The following LRP1B variants were observed in gnomAD, a reference collection of about 807,000 sequenced individuals.
LRP1B encodes the protein LDL receptor related protein 1B.
Under a neutral mutation model 556.6 loss-of-function variants are expected in LRP1B, and 217 were observed. That is an observed-to-expected ratio of 0.39 (90% CI 0.35 to 0.44). The LOEUF (loss-of-function observed/expected upper bound fraction) is 0.44, where lower values mean the gene tolerates loss of function less well. LRP1B is among the 20% of genes least tolerant of loss of function. The pLI is 1.00. For missense variants in LRP1B, 5,053 were observed against 5,620.8 expected, an observed-to-expected ratio of 0.90 and a Z score of 3.23; for synonymous variants, 2,047 against 1,865.8, an observed-to-expected ratio of 1.10 and a Z score of -2.50.
chr2:141,290,408 T>A (rs1030455822), intron 3 of LRP1B, among the ~76,000 whole-genome samples: 1 of 152,118 alleles, frequency 6.6e-6, no homozygotes, highest in African/African-American at 2.4e-5. Flanking sequence ...TAATATTGGG[T>A]TGTTTATATG....
At chr2:140,870,007 A>G (rs1010148138) in intron 25 of LRP1B, among the ~76,000 whole-genome samples, 4 of 152,246 alleles carry the variant, frequency 2.6e-5, no homozygotes, top group Admixed American at 2.6e-4. Context: ...TCTTTGCCCC[A>G]AACACAAGGG....
At chr2:140,301,077 G>C (rs181940807) in intron 83 of LRP1B, among the ~76,000 whole-genome samples, 299 of 152,186 alleles carry the variant, frequency 2.0e-3, no homozygotes, top group African/African-American at 7.1e-3. Context: ...TTATGGTAGT[G>C]ATGGGCTAGA....
intron 23 of LRP1B, chr2:140,898,834 T>G: frequency 2.1e-6 from 1 of 487,246 alleles, no homozygotes. Flanking sequence ...GGTGGATCTT[T>G]CCAAGAACCA....
chr2:140,717,573 C>T (rs1053510795), intron 35 of LRP1B, among the ~76,000 whole-genome samples: 6 of 151,948 alleles, frequency 3.9e-5, no homozygotes, highest in African/African-American at 1.5e-4. Context: ...CATGCATATG[C>T]ATAAAGGGTA....
chr2:140,514,454 C>T (rs1012343819), intron 51 of LRP1B, among the ~76,000 whole-genome samples, 199 bp downstream of exon 51: 24 of 151,432 alleles, frequency 1.6e-4, no homozygotes, highest in Admixed American at 5.9e-4. Flanking sequence ...GGAAAAATAC[C>T]AAATATTGAA....
At chr2:140,731,440 G>A (rs929795725) in intron 35 of LRP1B, among the ~76,000 whole-genome samples, 11 of 152,104 alleles carry the variant, frequency 7.2e-5, no homozygotes, top group Non-Finnish European at 8.8e-5. Context: ...AAGAGTAAAA[G>A]AAGAGTAAGA....
intron 3 of LRP1B, among the ~76,000 whole-genome samples, chr2:141,270,742 C>T (rs1346160771): frequency 2.6e-5 from 4 of 151,846 alleles, no homozygotes; most frequent in Non-Finnish European, 4.4e-5. Context: ...TAGTAAAATT[C>T]ATAGAGACAA....
At chr2:142,084,112 T>C (rs1304197044) in intron 1 of LRP1B, among the ~76,000 whole-genome samples, 2 of 152,120 alleles carry the variant, frequency 1.3e-5, no homozygotes, top group Non-Finnish European at 2.9e-5. Context: ...CCCAAGTAAC[T>C]GGGACTACAG....
chr2:141,463,054 G>T (rs1681946920), intron 3 of LRP1B, among the ~76,000 whole-genome samples: 1 of 152,166 alleles, frequency 6.6e-6, no homozygotes, highest in Non-Finnish European at 1.5e-5. Context: ...ACCTCACAAA[G>T]ACAGTTGGAT....
intron 43 of LRP1B, among the ~76,000 whole-genome samples, chr2:140,549,827 C>T (rs1437999166): frequency 6.6e-6 from 1 of 152,000 alleles, no homozygotes; most frequent in Non-Finnish European, 1.5e-5. Flanking sequence ...TACAGCGGGG[C>T]CTAGCATCGG....
At position 141,870,329 on chromosome 2, in the gene LRP1B, C is replaced by T. The variant is rs187337690; in HGVS notation, c.83-59928G>A. 2.8e-4 allele frequency among the ~76,000 whole-genome samples: 43 copies of T among 152,020 alleles called. No homozygotes were observed. In the East Asian group the frequency reaches 7.7e-3, roughly 27 times the overall value. On this transcript the variant is annotated intron_variant, in intron 1 of 90. Coordinates refer to ENST00000389484, the MANE Select transcript of LRP1B (RefSeq NM_018557.3). ...ATATTAACTGTCTAGCTACCAGCCT[C>T]AATTCTAGAGCTGCATCATTGATTC...
chr2:141,130,402 A>T (rs1701320085), intron 7 of LRP1B, among the ~76,000 whole-genome samples: 1 of 152,146 alleles, frequency 6.6e-6, no homozygotes, highest in Non-Finnish European at 1.5e-5. Flanking sequence ...GTAAATCCAT[A>T]AAGATTAAAA....
At chr2:141,171,980 C>G (rs1453592926) in intron 7 of LRP1B, among the ~76,000 whole-genome samples, 1 of 152,092 alleles carries the variant, frequency 6.6e-6, no homozygotes, top group East Asian at 1.9e-4. Flanking sequence ...AATTCACATT[C>G]TGATGCAGCA....
chr2:141,544,608 AC>A (rs1325058936), intron 2 of LRP1B, among the ~76,000 whole-genome samples: 3 of 151,330 alleles, frequency 2.0e-5, no homozygotes, highest in African/African-American at 7.3e-5. Context: ...ATAAACACAG[AC>A]TTCTCCACAC....
At chr2:141,598,532 T>C (rs1484656708) in intron 2 of LRP1B, among the ~76,000 whole-genome samples, 1 of 152,176 alleles carries the variant, frequency 6.6e-6, no homozygotes, top group African/African-American at 2.4e-5. Context: ...TTTATTTTGG[T>C]ATTCATTGAA....
chr2:142,125,311 C>T (rs1425676143), intron 1 of LRP1B, among the ~76,000 whole-genome samples: 1 of 151,716 alleles, frequency 6.6e-6, no homozygotes, highest in East Asian at 1.9e-4. Context: ...CCTTCATTCT[C>T]CTTTCTCTAA....
At chr2:140,728,699 C>T (rs895956245) in intron 35 of LRP1B, among the ~76,000 whole-genome samples, 1 of 152,068 alleles carries the variant, frequency 6.6e-6, no homozygotes, top group South Asian at 2.1e-4. Context: ...ATCATCATCC[C>T]TGGTGAAAAA....
At position 141,508,090 on chromosome 2, in the gene LRP1B, C is replaced by CCT. The variant is rs781168665; in HGVS notation, c.206-27558_206-27557insAG. Among the ~76,000 whole-genome samples, 176 of 149,816 alleles carry CCT rather than the reference C, an allele frequency of 1.2e-3. No individual in the cohort carries two copies. In the Middle Eastern group the frequency reaches 0.017, roughly 15 times the overall value. On this transcript the variant is annotated intron_variant, in intron 2 of 90. Transcript: ENST00000389484. Reference sequence around the variant, plus strand: ...GAAAGAGGGAGACTCCATCCCCCCCCCAAAAAAAAAGAAAGAAAAGAAAAA... The same window carrying CCT: ...GAAAGAGGGAGACTCCATCCCCCCCCCTCAAAAAAAAAGAAAGAAAAGAAAAA...
At chr2:141,337,070 T>A (rs560820462) in intron 3 of LRP1B, among the ~76,000 whole-genome samples, 45 of 152,284 alleles carry the variant, frequency 3.0e-4, no homozygotes, top group African/African-American at 1.0e-3. Context: ...CTGGAATTGC[T>A]AGGACACATG....
Sources: gnomAD v4.1 joint callset for allele counts (sites outside exome capture counted in the v4.1 genomes callset) on GRCh38, gnomAD v4.1.1 for gene constraint, MANE v1.5 for transcripts, NCBI Gene and HGNC (gene_info 2026-07-23, HGNC 2026-07-21) for gene names.